FAM110B: variants seen among roughly 807,000 people sequenced by gnomAD.
FAM110B encodes the protein family with sequence similarity 110 member B, also known as protein FAM110B.
In FAM110B, 6 loss-of-function variants were observed where a neutral mutation model predicts 20.4. That is an observed-to-expected ratio of 0.29 (90% CI 0.16 to 0.58). The LOEUF (loss-of-function observed/expected upper bound fraction) is 0.58. Among genes scored for constraint, FAM110B ranks in the 20% least tolerant of loss-of-function variants. FAM110B has a pLI of 0.90. For synonymous variants in FAM110B, 226 were observed against 214.1 expected, an observed-to-expected ratio of 1.06 and a Z score of -0.49; for missense variants, 434 against 498.2, an observed-to-expected ratio of 0.87 and a Z score of 1.23.
chr8:58,077,978 A>G (rs1806080277), intron 3 of FAM110B, among the ~76,000 whole-genome samples: 1 of 152,232 alleles, frequency 6.6e-6, no homozygotes, highest in South Asian at 2.1e-4. Context: ...AACATTTTTA[A>G]AAGTGCTTTA....
chr8:58,129,683 G>A (rs1007194870), intron 3 of FAM110B, among the ~76,000 whole-genome samples: 4 of 152,156 alleles, frequency 2.6e-5, no homozygotes, highest in Admixed American at 6.5e-5. Context: ...CACAGATTGC[G>A]GCTACTAGAA....
At chr8:58,140,704 C>T (rs567049266) in intron 3 of FAM110B, among the ~76,000 whole-genome samples, 7 of 152,328 alleles carry the variant, frequency 4.6e-5, no homozygotes, top group Admixed American at 2.0e-4. Context: ...GGCCTCTGAC[C>T]GCTGTCCCCT....
At chr8:58,016,983 T>G (rs982057675) in intron 1 of FAM110B, among the ~76,000 whole-genome samples, 1 of 152,098 alleles carries the variant, frequency 6.6e-6, no homozygotes, top group African/African-American at 2.4e-5. Context: ...ACAGACTTAG[T>G]GAACAGACTG....
At chr8:58,127,249 C>T (rs1807531340) in intron 3 of FAM110B, among the ~76,000 whole-genome samples, 1 of 152,182 alleles carries the variant, frequency 6.6e-6, no homozygotes, top group African/African-American at 2.4e-5. Flanking sequence ...TGTTGTGCTC[C>T]ACTGATCTGT....
intron 3 of FAM110B, among the ~76,000 whole-genome samples, chr8:58,098,103 A>C (rs1806680320): frequency 6.6e-6 from 1 of 152,262 alleles, no homozygotes; most frequent in Non-Finnish European, 1.5e-5. Context: ...ATTCAGAGCC[A>C]GCAGGCAGGA....
At chr8:57,997,477 C>G (rs1237875179) in intron 1 of FAM110B, among the ~76,000 whole-genome samples, 3 of 152,108 alleles carry the variant, frequency 2.0e-5, no homozygotes, top group African/African-American at 7.2e-5. Flanking sequence ...ATCAGCTGAG[C>G]CTAGAGATCT....
rs560759259 is a variant in FAM110B, at chr8:58,039,144, C to T, written c.-414+7441C>T. On this transcript the variant is annotated intron_variant, in intron 2 of 3. Coordinates refer to ENST00000519262, the MANE Select transcript of FAM110B (RefSeq NM_001377989.1). ...CGGCATTTCTCTGGAGCCAGATCGC[C>T]GGGTGCCAGCCTGGGCTGGCACTCA... Among the ~76,000 whole-genome samples the T allele has an allele frequency of 1.1e-4, 17 of 152,328 alleles. No individual in the cohort carries two copies. The East Asian group carries it at 2.9e-3, about 26-fold the overall frequency.
intron 3 of FAM110B, among the ~76,000 whole-genome samples, chr8:58,098,707 G>T (rs116460230): frequency 6.6e-6 from 1 of 152,322 alleles, no homozygotes; most frequent in African/African-American, 2.4e-5. Flanking sequence ...TCTGAGGGTT[G>T]TGAAGACTGT....
At chr8:58,115,256 A>G (rs1026964218) in intron 3 of FAM110B, among the ~76,000 whole-genome samples, 2 of 152,188 alleles carry the variant, frequency 1.3e-5, no homozygotes, top group African/African-American at 4.8e-5. Flanking sequence ...ACTAAAGAAT[A>G]CTATTAATAC....
intron 1 of FAM110B, among the ~76,000 whole-genome samples, chr8:58,013,679 A>G (rs1585811173): frequency 1.3e-5 from 2 of 151,984 alleles, no homozygotes; most frequent in South Asian, 4.1e-4. Context: ...AAGCCGAGAT[A>G]TTTTTTATCT....
At chr8:58,016,695 CTG>C (rs1423618881) in intron 1 of FAM110B, among the ~76,000 whole-genome samples, 7 of 152,164 alleles carry the variant, frequency 4.6e-5, no homozygotes, top group Admixed American at 1.3e-4. Flanking sequence ...GTGCTCCAGT[CTG>C]TGTTTGTCAT....
At chr8:58,129,129 A>G (rs1191154594) in intron 3 of FAM110B, among the ~76,000 whole-genome samples, 1 of 152,180 alleles carries the variant, frequency 6.6e-6, no homozygotes, top group East Asian at 1.9e-4. Flanking sequence ...TCCCTCTAAT[A>G]GTCAATAAGA....
At chr8:57,995,833 A>T (rs541859988) in intron 1 of FAM110B, among the ~76,000 whole-genome samples, 1 of 152,340 alleles carries the variant, frequency 6.6e-6, no homozygotes, top group East Asian at 1.9e-4. Flanking sequence ...CAGCCAACTT[A>T]TGTCCTCTGC....
At chr8:58,133,439 C>T (rs1457469824) in intron 3 of FAM110B, among the ~76,000 whole-genome samples, 5 of 152,196 alleles carry the variant, frequency 3.3e-5, no homozygotes, top group Admixed American at 1.3e-4. Context: ...AGCTGCCCTC[C>T]GGTGTCCCAT....
At chr8:58,019,702 A>T (rs1585816108) in intron 1 of FAM110B, among the ~76,000 whole-genome samples, 1 of 152,202 alleles carries the variant, frequency 6.6e-6, no homozygotes, top group East Asian at 1.9e-4. Context: ...TCTAAAAAGA[A>T]GTTGGCTATC....
chr8:58,146,884 T>C lies in FAM110B; in HGVS notation c.654T>C (p.Ser218=), dbSNP rs1265110829. The change falls in exon 4 of 4, where the codon AGT becomes AGC. Residue 218 remains serine (S), a synonymous_variant. Coordinates refer to ENST00000519262, the MANE Select transcript of FAM110B (RefSeq NM_001377989.1). ...AGCCCCTCAAGGCCATCCCCTGCAG[T>C]AGCTCTGCCCCTCCCCTGCCTCCCA... ...SVKPLKAIPC[S]SSAPPLPPKP... 2 of 1,614,100 alleles carry C rather than the reference T, an allele frequency of 1.2e-6. No homozygotes were observed. The highest frequency in any genetic ancestry group is 1.7e-6 in the Non-Finnish European group (2 of 1,180,006).
intron 3 of FAM110B, among the ~76,000 whole-genome samples, chr8:58,082,841 T>G: frequency 1.5e-5 from 2 of 131,006 alleles, no homozygotes; most frequent in Middle Eastern, 3.5e-3. Flanking sequence ...ATTTTTGTTT[T>G]TTTTTGTTTT....
At chr8:58,000,784 A>G (rs2150561709) in intron 1 of FAM110B, among the ~76,000 whole-genome samples, 1 of 152,342 alleles carries the variant, frequency 6.6e-6, no homozygotes, top group East Asian at 1.9e-4. Flanking sequence ...ACAAGGTGAG[A>G]GTTGGGAGGT....
chr8:58,131,376 C>G (rs1047810233), intron 3 of FAM110B, among the ~76,000 whole-genome samples: 2 of 152,216 alleles, frequency 1.3e-5, no homozygotes, highest in East Asian at 3.9e-4. Context: ...TCACCTCCCC[C>G]GCAACCCCAT....
Sources: allele counts gnomAD v4.1 joint callset (sites outside exome capture counted in the v4.1 genomes callset), GRCh38; gene constraint gnomAD v4.1.1; transcripts MANE v1.5; gene names NCBI Gene and HGNC (gene_info 2026-07-23, HGNC 2026-07-21).